Variants in AGK observed in about 807,000 individuals in gnomAD.
AGK encodes acylglycerol kinase, mitochondrial.
In AGK, 52 loss-of-function variants were observed where a neutral mutation model predicts 66.4. The ratio of observed to expected loss-of-function variants is 0.78; its 90% CI spans 0.63 to 0.99. AGK has a LOEUF of 0.99. AGK is among the 50% of genes least tolerant of loss of function. The pLI is 0.00. For missense variants in AGK, 451 were observed against 506.6 expected (o/e 0.89, Z 1.05); for synonymous variants, 182 against 181.1 (o/e 1.00, Z -0.04).
chr7:141,627,291 T>C (rs1048026130), intron 9 of AGK, among the ~76,000 whole-genome samples: 15 of 152,304 alleles, frequency 9.8e-5, no homozygotes, highest in African/African-American at 3.6e-4. Flanking sequence ...CTCTTATTTT[T>C]TTTTCTGGAA....
At position 141,565,375 on chromosome 7, in the gene AGK, G is replaced by A. The variant is rs376780555; in HGVS notation, c.101+9808G>A. Among the ~76,000 whole-genome samples, 27 of 152,216 alleles carry A rather than the reference G, an allele frequency of 1.8e-4. No individual in the cohort carries two copies. In the East Asian group the frequency reaches 4.4e-3, roughly 25 times the overall value. ...CATCTAATTTCCCAAACTAGGCTAG[G>A]CTTGGTGGCTCACACCTGTAATCCC... On this transcript the variant is annotated intron_variant, in intron 2 of 15. Transcript: ENST00000649286.
chr7:141,645,717 A>G (rs1255078954), intron 13 of AGK, among the ~76,000 whole-genome samples: 1 of 152,000 alleles, frequency 6.6e-6, no homozygotes, highest in African/African-American at 2.4e-5. Context: ...TTCTATTCCC[A>G]GTTTGCTAAG....
intron 2 of AGK, among the ~76,000 whole-genome samples, chr7:141,585,481 G>C (rs1253851727): frequency 2.0e-5 from 3 of 152,204 alleles, no homozygotes; most frequent in Non-Finnish European, 4.4e-5. Flanking sequence ...TGAAGTGGTT[G>C]TTATAAACGT....
chr7:141,587,704 C>G (rs576089370), intron 2 of AGK, among the ~76,000 whole-genome samples: 1 of 152,284 alleles, frequency 6.6e-6, no homozygotes, highest in Non-Finnish European at 1.5e-5. Flanking sequence ...CTAATTCTCT[C>G]AAAACTAGGT....
At chr7:141,589,724 A>T (rs1238159943) in intron 2 of AGK, among the ~76,000 whole-genome samples, 1 of 151,948 alleles carries the variant, frequency 6.6e-6, no homozygotes, top group African/African-American at 2.4e-5. Context: ...CCATGCCTGG[A>T]TAATTTTGTA....
At chr7:141,569,400 G>A (rs1029864192) in intron 2 of AGK, among the ~76,000 whole-genome samples, 13 of 152,076 alleles carry the variant, frequency 8.5e-5, no homozygotes, top group African/African-American at 3.1e-4. Flanking sequence ...CGGGTGTGGC[G>A]GTGTGCGCCT....
At chr7:141,613,504 A>G (rs1796641429) in intron 6 of AGK, among the ~76,000 whole-genome samples, 1 of 152,150 alleles carries the variant, frequency 6.6e-6, no homozygotes, top group Admixed American at 6.6e-5. Flanking sequence ...TTGTAATCCC[A>G]ACTACTTGGG....
chr7:141,595,463 ATTTTTG>A (rs566299121), intron 3 of AGK, among the ~76,000 whole-genome samples: 45 of 152,312 alleles, frequency 3.0e-4, no homozygotes, highest in African/African-American at 1.1e-3. Context: ...GAAAAAAAGT[ATTTTTG>A]TTTTTGTTTT....
intron 14 of AGK, chr7:141,650,511 T>C (rs1797529865): frequency 2.0e-6 from 2 of 985,482 alleles, no homozygotes; most frequent in South Asian, 9.4e-5. Context: ...TCTGGATATC[T>C]GAAGAGAACA....
intron 9 of AGK, among the ~76,000 whole-genome samples, chr7:141,629,766 T>A (rs1236686005): frequency 6.6e-6 from 1 of 152,142 alleles, no homozygotes; most frequent in African/African-American, 2.4e-5. Context: ...TCTAATGGAA[T>A]GTTCCTAAAA....
chr7:141,560,192 T>A (rs957594062), intron 2 of AGK, among the ~76,000 whole-genome samples: 2 of 152,078 alleles, frequency 1.3e-5, no homozygotes, highest in Admixed American at 6.5e-5. Flanking sequence ...ATTTCAAAAT[T>A]GGGTATGATG....
chr7:141,623,167 G>A (rs535500585), intron 9 of AGK, among the ~76,000 whole-genome samples: 4 of 151,962 alleles, frequency 2.6e-5, no homozygotes, highest in Non-Finnish European at 4.4e-5. Context: ...ATCACTTGAC[G>A]TTGGGAGTTT....
chr7:141,605,955 G>C (rs1047145988), intron 5 of AGK, among the ~76,000 whole-genome samples: 1 of 152,132 alleles, frequency 6.6e-6, no homozygotes, highest in Non-Finnish European at 1.5e-5. Context: ...TTTACACATA[G>C]ATCAGTGGTT....
At chr7:141,602,811 A>G (rs1388151377) in intron 5 of AGK, among the ~76,000 whole-genome samples, 1 of 151,440 alleles carries the variant, frequency 6.6e-6, no homozygotes, top group Non-Finnish European at 1.5e-5. Flanking sequence ...CTACAGATCC[A>G]CTCTACTGCT....
intron 13 of AGK, among the ~76,000 whole-genome samples, chr7:141,643,312 C>T (rs1029431239): frequency 2.6e-5 from 4 of 152,050 alleles, no homozygotes; most frequent in Admixed American, 6.5e-5. Context: ...AACAAGGCTG[C>T]GCCTCCTGTG....
chr7:141,613,976 T>A (rs1796652559), intron 6 of AGK, among the ~76,000 whole-genome samples, 170 bp from the exon 7 acceptor site: 1 of 152,196 alleles, frequency 6.6e-6, no homozygotes, highest in Admixed American at 6.5e-5. Flanking sequence ...CTAATTTAGC[T>A]CTGATTCTAT....
At chr7:141,646,497 T>C (rs1675715921) in intron 13 of AGK, among the ~76,000 whole-genome samples, 1 of 152,166 alleles carries the variant, frequency 6.6e-6, no homozygotes, top group Non-Finnish European at 1.5e-5. Flanking sequence ...TTAACAAAGC[T>C]AAAGGCTCAC....
At chr7:141,650,656 G>T (rs1469329971) in intron 14 of AGK, 9 of 985,380 alleles carry the variant, frequency 9.1e-6, no homozygotes, top group Non-Finnish European at 1.1e-5. Context: ...GCATGAGGTG[G>T]AGTGTGTGTC....
At chr7:141,583,555 G>C (rs796713142) in intron 2 of AGK, among the ~76,000 whole-genome samples, 3 of 142,654 alleles carry the variant, frequency 2.1e-5, no homozygotes, top group Non-Finnish European at 4.6e-5. Flanking sequence ...GAGAAGGGGT[G>C]GGGGGTGCTT....
Sources: gnomAD v4.1 joint callset for allele counts (sites outside exome capture counted in the v4.1 genomes callset) on GRCh38, gnomAD v4.1.1 for gene constraint, MANE v1.5 for transcripts, NCBI Gene and HGNC (gene_info 2026-07-23, HGNC 2026-07-21) for gene names.